FANCG: variants seen among roughly 807,000 people sequenced by gnomAD.
FANCG encodes the protein FA complementation group G.
A neutral mutation model predicts 73.3 loss-of-function variants in FANCG; 67 were observed. The observed-to-expected ratio is 0.91, with a 90% CI of 0.75 to 1.12. The LOEUF is 1.12. Ranked by LOEUF, FANCG falls within the 50% of genes most tolerant of loss-of-function variation. The pLI is 0.00. For missense variants in FANCG, 643 were observed against 735.6 expected (o/e 0.87, Z 1.46); for synonymous variants, 297 against 311.6 (o/e 0.95, Z 0.49).
rs1829149382 is a variant in FANCG at position 35,079,750 on chromosome 9, G to A, written c.-226C>T. ...CTCAACCTCGCCTCTGGTTGGCCGGGTCTGCGAAGCTCTGGGCTGCGGTTG... is the reference window on the plus strand; with the variant it reads ...CTCAACCTCGCCTCTGGTTGGCCGGATCTGCGAAGCTCTGGGCTGCGGTTG... On this transcript the variant is annotated 5_prime_UTR_variant, in exon 1 of 14. Transcript: ENST00000378643. 5.0e-6 allele frequency: 3 copies of A among 595,126 alleles called. No homozygotes were observed. The highest frequency in any genetic ancestry group is 4.5e-4 in the Middle Eastern group (1 of 2,246). 36.9% of individuals were successfully genotyped at this position (595,126 alleles called of 1,614,324 possible).
In FANCG at chr9:35,078,633, G is replaced by A. The variant is rs2131059010; in HGVS notation, c.279C>T (p.Ala93=). 6.2e-7 allele frequency: 1 copy of A among 1,614,074 alleles called. No homozygotes were observed. The highest frequency in any genetic ancestry group is 8.5e-7 in the Non-Finnish European group (1 of 1,180,012). ...TCTCTAGGCTCCGCTGGATATCCTG[G>A]GCCTGATCCTCTGTGAAACCCTGGG... ...SLAQGFTEDQ[A]QDIQRSLERV... is the part of the protein sequence containing the mutation. The change falls in exon 3 of 14, where the codon GCC becomes GCT. Residue 93 remains alanine (A), a synonymous_variant. Transcript: ENST00000378643.
chr9:35,077,538 C>A (rs1335336277), intron 4 of FANCG, 139 bp from the exon 5 acceptor site: 44 of 1,010,440 alleles, frequency 4.4e-5, no homozygotes, highest in Non-Finnish European at 6.6e-5. Flanking sequence ...CCTTACAAAG[C>A]AAGAAGCTAT....
chr9:35,076,658 C>A (rs1829089920), intron 7 of FANCG, 66 bp downstream of exon 7: 1 of 1,614,050 alleles, frequency 6.2e-7, no homozygotes, highest in South Asian at 1.1e-5. Context: ...CTTGACTAGT[C>A]AAGTCACCCC....
chr9:35,079,915 C>G lies in FANCG; in HGVS notation c.-391G>C, dbSNP rs929561495. ...GGCCGGCGGTGCGGCCCGCTCGGCTCTCGCGGAGGCCACAGCCTCGAGAAA... is the reference window on the plus strand; with the variant it reads ...GGCCGGCGGTGCGGCCCGCTCGGCTGTCGCGGAGGCCACAGCCTCGAGAAA... On this transcript the variant is annotated 5_prime_UTR_variant, in exon 1 of 14. Coordinates refer to ENST00000378643, the MANE Select transcript of FANCG (RefSeq NM_004629.2). The G allele has an allele frequency of 2.2e-5, 9 of 407,148 alleles. No individual in the cohort carries two copies. Among genetic ancestry groups the G allele is most frequent in the African/African-American group, 1.8e-4 (9 of 50,258 alleles). The allele number at this position is 407,148 out of a possible 1,614,324, so 25.2% of individuals were successfully genotyped here.
Position 35,079,769 on chromosome 9 carries a change from G to C in FANCG, c.-245C>G, listed in dbSNP as rs1023080349. The stretch of plus-strand genomic sequence containing the variant: ...GGCCGGGTCTGCGAAGCTCTGGGCT[G>C]CGGTTGGTCCTCTTGAAGAGTTAGT... On this transcript the variant is annotated 5_prime_UTR_variant, in exon 1 of 14. Transcript: ENST00000378643. 4 of 572,620 alleles carry C rather than the reference G, an allele frequency of 7.0e-6. No individual in the cohort carries two copies. The African/African-American group carries it at 7.5e-5, about 11-fold the overall frequency. The allele number at this position is 572,620 out of a possible 1,614,324, so 35.5% of individuals were successfully genotyped here. A position where few individuals can be genotyped will look rare whatever the true frequency, so the allele number is the denominator to read the frequency against.
Position 35,079,672 on chromosome 9 carries a change from G to T in FANCG, c.-148C>A. ...CTTCTCTCGGGGTCCCAATCCACCC[G>T]CCCAGGCTTTCCAGGACAGATGGGA... On this transcript the variant is annotated 5_prime_UTR_variant, in exon 1 of 14. Transcript: ENST00000378643. 1 of 774,256 alleles carries T rather than the reference G, an allele frequency of 1.3e-6. No homozygotes were observed. Among genetic ancestry groups the T allele is most frequent in the Non-Finnish European group, 2.2e-6 (1 of 453,540 alleles). 48.0% of individuals were successfully genotyped at this position (774,256 alleles called of 1,614,324 possible). A position where few individuals can be genotyped will look rare whatever the true frequency, so the allele number is the denominator to read the frequency against.
At chr9:35,074,572 G>A (rs982094432) in intron 12 of FANCG, 78 bp from the exon 13 acceptor site, 96 of 1,584,690 alleles carry the variant, frequency 6.1e-5, no homozygotes, top group Non-Finnish European at 8.0e-5. Context: ...GGGAAACTGA[G>A]GCCTAGAGAG....
chr9:35,074,800 T>C (rs999698271), intron 12 of FANCG, 127 bp downstream of exon 12: 6 of 1,231,520 alleles, frequency 4.9e-6, no homozygotes, highest in East Asian at 4.6e-5. Context: ...CCTAGGTATA[T>C]ATAGCACAAC....
intron 9 of FANCG, 42 bp from the exon 10 acceptor site, chr9:35,075,796 C>A: frequency 6.4e-7 from 1 of 1,572,312 alleles, no homozygotes; most frequent in South Asian, 1.1e-5. Flanking sequence ...AGGCATGAGC[C>A]ACCATCCCCA....
rs753485145 is a variant in FANCG at position 35,074,989 on chromosome 9, AC to A, written c.1573del (p.Val525Ter). The stretch of plus-strand genomic sequence containing the variant: ...GGCTTTGGTATCCTGGCCGCTGGCT[AC>A]CCATTCCAGTCCACGACTAATTAGG... ...AALISRGLEW[V>X]ASGQDTKALQ... On this transcript the variant is annotated frameshift_variant, in exon 12 of 14. Coordinates refer to ENST00000378643, the MANE Select transcript of FANCG (RefSeq NM_004629.2). LOFTEE classifies it high-confidence loss of function. 22 of 1,614,146 alleles carry A rather than the reference AC, an allele frequency of 1.4e-5. No homozygotes were observed. Among genetic ancestry groups the A allele is most frequent in the Non-Finnish European group, 1.9e-5 (22 of 1,180,016 alleles).
rs774982952 is a variant in FANCG, at chr9:35,076,728, A to C, written c.920T>G (p.Val307Gly). Residue 307 changes from valine to glycine, a missense_variant, in exon 7 of 14, where the codon GTT becomes GGT. Physicochemically the swap from Val to Gly is moderately radical, Grantham distance 109. Transcript: ENST00000378643. ...CTTCACCTGGCAGTTCCCTACCTCA[A>C]CTAGCAGCTCCAGACTCTCCAGCTC... Reference protein sequence around the residue: ...TAELESLELLVEALNVPCSSK... With the variant: ...TAELESLELLGEALNVPCSSK... 1.1e-5 allele frequency: 18 copies of C among 1,614,180 alleles called. No individual in the cohort carries two copies. The highest frequency in any genetic ancestry group is 2.2e-5 in the East Asian group (1 of 44,884).
chr9:35,073,861 A>G lies in FANCG; in HGVS notation c.*247T>C. ...AGATAAATATGAAATTTTACTCGAC[A>G]ACAGAAAAGGAGAAACAGGAAAAAA... On this transcript the variant is annotated 3_prime_UTR_variant, in exon 14 of 14. Transcript: ENST00000378643. 1.7e-6 allele frequency: 1 copy of G among 576,400 alleles called. No homozygotes were observed. The highest frequency in any genetic ancestry group is 3.1e-6 in the Non-Finnish European group (1 of 323,246). 35.7% of individuals were successfully genotyped at this position (576,400 alleles called of 1,614,324 possible).
At chr9:35,076,073 G>T in intron 8 of FANCG, 45 bp from the exon 9 acceptor site, 2 of 1,540,172 alleles carry the variant, frequency 1.3e-6, no homozygotes, top group South Asian at 1.1e-5. Flanking sequence ...CCCTAGCAGG[G>T]AACCTGCAAG....
chr9:35,077,930 G>C (rs943882335), intron 4 of FANCG: 2 of 600,560 alleles, frequency 3.3e-6, no homozygotes, highest in South Asian at 1.9e-5. Context: ...GAGCCACCAT[G>C]CCTGTCCAAT....
rs373151602 is a variant in FANCG, at chr9:35,075,044, C to T, written c.1519G>A (p.Ala507Thr). ...GCTGCCCGAAGCTGCTGCAGTGCCG[C>T]ATCTGACTTACATCCCTGCTCACAG... Reference protein sequence around the residue: ...FNCEQGCKSDAALQQLRAAAL... With the variant: ...FNCEQGCKSDTALQQLRAAAL... Residue 507 changes from alanine (A) to threonine (T), a missense_variant, in exon 12 of 14, where the codon GCG (alanine) becomes ACG (threonine). Coordinates refer to ENST00000378643, the MANE Select transcript of FANCG (RefSeq NM_004629.2). 4.3e-6 allele frequency: 7 copies of T among 1,614,086 alleles called. No individual in the cohort carries two copies. Among genetic ancestry groups the T allele is most frequent in the Non-Finnish European group, 4.2e-6 (5 of 1,180,052 alleles).
rs755196986 is a variant in FANCG, at chr9:35,078,724, G to C, written c.188C>G (p.Ala63Gly). The C allele has an allele frequency of 8.5e-5, 137 of 1,614,068 alleles. 2 individuals carry two copies. Among genetic ancestry groups the C allele is most frequent in the Non-Finnish European group, 1.7e-6 (2 of 1,180,046 alleles). The stretch of plus-strand genomic sequence containing the variant: ...CAGCTCCAAGGGAAGAACAGGAACA[G>C]CTGCAGGGAGCCCTGGAGCAACAAT... ...LLHSLQGLPA[A>G]VPVLPLELTV... Residue 63 changes from alanine (A) to glycine (G), a missense_variant, in exon 3 of 14, where the codon GCT (alanine) becomes GGT (glycine). Ala to Gly is a moderately conservative substitution (Grantham distance 60). Coordinates refer to ENST00000378643, the MANE Select transcript of FANCG (RefSeq NM_004629.2).
intron 8 of FANCG, 67 bp from the exon 9 acceptor site, chr9:35,076,095 T>C: frequency 2.1e-6 from 3 of 1,451,564 alleles, no homozygotes; most frequent in South Asian, 1.1e-5. Context: ...GTCCTGAGAA[T>C]GTTCTCTCTT....
chr9:35,075,432 C>A (rs1360247758), intron 10 of FANCG, 33 bp downstream of exon 10: 2 of 1,614,026 alleles, frequency 1.2e-6, no homozygotes, highest in Non-Finnish European at 8.5e-7. Context: ...AGAAAATCAT[C>A]CCTCCACACC....
intron 4 of FANCG, 123 bp from the exon 5 acceptor site, chr9:35,077,522 A>AAG: frequency 1.7e-6 from 2 of 1,196,736 alleles, no homozygotes; most frequent in Non-Finnish European, 2.5e-6. Context: ...CACAGGCCTC[A>AAG]GCTACCCTTA....
Sources: allele counts gnomAD v4.1 joint callset, GRCh38; gene constraint gnomAD v4.1.1; transcripts MANE v1.5; gene names NCBI Gene and HGNC (gene_info 2026-07-23, HGNC 2026-07-21).